Variants in ZNF429 observed in about 807,000 individuals in gnomAD.
The protein encoded by ZNF429 is zinc finger protein 429.
In ZNF429, 53 loss-of-function variants were observed where a neutral mutation model predicts 56.8. The ratio of observed to expected loss-of-function variants is 0.93; its 90% CI spans 0.75 to 1.17. The LOEUF (loss-of-function observed/expected upper bound fraction) is 1.17, where lower values mean the gene tolerates loss of function less well. ZNF429 is among the 50% of genes most tolerant of loss of function. The pLI, the probability that ZNF429 is intolerant of heterozygous loss-of-function variation, is 0.00. For missense variants in ZNF429, 849 were observed against 788.4 expected (o/e 1.08, Z -0.92); for synonymous variants, 278 against 264.7 (o/e 1.05, Z -0.49).
rs774747670 is a variant in ZNF429, at chr19:21,529,688, G to A, written c.34G>A (p.Glu12Lys). 2 of 1,596,704 alleles carry A rather than the reference G, an allele frequency of 1.3e-6. No homozygotes were observed. Among genetic ancestry groups the A allele is most frequent in the Non-Finnish European group, 8.5e-7 (1 of 1,170,574 alleles). The change falls in exon 2 of 4, where the codon GAA becomes AAA. Residue 12 changes from glutamate (E) to lysine (K), a missense_variant. Transcript: ENST00000358491. Reference protein sequence around the residue: ...GPLTFTDVAIEFSLEEWQCLD... With the variant: ...GPLTFTDVAIKFSLEEWQCLD... ...ATTGACATTTACAGATGTGGCCATA[G>A]AATTCTCTCTGGAGGAGTGGCAGTG...
intron 3 of ZNF429, among the ~76,000 whole-genome samples, chr19:21,531,783 G>T: frequency 6.7e-6 from 1 of 149,264 alleles, no homozygotes; most frequent in Non-Finnish European, 1.5e-5. Flanking sequence ...TCCAGCCTGG[G>T]TGATGGAGTG....
rs368352540 is a variant in ZNF429, at chr19:21,524,267, C to T, written c.4-5391C>T. Among the ~76,000 whole-genome samples, 6 of 152,336 alleles carry T rather than the reference C, an allele frequency of 3.9e-5. No individual in the cohort carries two copies. The East Asian group carries it at 9.7e-4, about 25-fold the overall frequency. On this transcript the variant is annotated intron_variant, in intron 1 of 3. Transcript: ENST00000358491. ...ATGCTGGGCCAGGCGTGGTGGCTCA[C>T]GCCTATAATCCCAGGACTTTGGGAG...
chr19:21,520,144 C>A (rs1467500287), intron 1 of ZNF429, among the ~76,000 whole-genome samples: 2 of 152,194 alleles, frequency 1.3e-5, no homozygotes, highest in Non-Finnish European at 2.9e-5. Flanking sequence ...CAGGCATGAG[C>A]CACTGTGCCC....
chr19:21,515,223 G>T (rs2032682435), intron 1 of ZNF429, among the ~76,000 whole-genome samples: 1 of 149,396 alleles, frequency 6.7e-6, no homozygotes, highest in African/African-American at 2.5e-5. Flanking sequence ...TTACAACTGT[G>T]AGCCACTGTG....
Position 21,535,380 on chromosome 19 carries a change from T to TCC in ZNF429, c.227-900_227-899insCC. ...TTTCTTCTTTCTTTCTTTCTTTCTT[T>TCC]TTTACTTTCTTTCTTTCTTTCTTTC... On this transcript the variant is annotated intron_variant, in intron 3 of 3. Transcript: ENST00000358491. Among the ~76,000 whole-genome samples the TCC allele has an allele frequency of 8.8e-4, 44 of 50,018 alleles. 1 individual carries two copies. Among genetic ancestry groups the TCC allele is most frequent in the African/African-American group, 1.9e-3 (18 of 9,566 alleles). 32.8% of individuals were successfully genotyped at this position (50,018 alleles called of 152,430 possible). A position where few individuals can be genotyped will look rare whatever the true frequency, so the allele number is the denominator to read the frequency against.
At chr19:21,521,568 A>G (rs1185979543) in intron 1 of ZNF429, 1 of 152,074 alleles carries the variant, frequency 6.6e-6, no homozygotes, top group East Asian at 1.9e-4. Context: ...GGCCTACTTG[A>G]TCAATCTTGT....
intron 3 of ZNF429, among the ~76,000 whole-genome samples, chr19:21,534,091 A>C: frequency 1.3e-5 from 2 of 152,018 alleles, no homozygotes; most frequent in Non-Finnish European, 2.9e-5. Flanking sequence ...ATTCTTTTTC[A>C]TGGGTGTTTG....
rs1397151570 is a variant in ZNF429 at position 21,539,704 on chromosome 19, T to C, written c.*1626T>C. Among the ~76,000 whole-genome samples, 1 of 152,064 alleles carries C rather than the reference T, an allele frequency of 6.6e-6. No individual in the cohort carries two copies. The highest frequency in any genetic ancestry group is 6.6e-5 in the Admixed American group (1 of 15,254). ...CCTTGGCCTCCCAGAGTGCTGGGAT[T>C]GCAGCCATGAGCCACTGCACCCAGC... On this transcript the variant is annotated 3_prime_UTR_variant, in exon 4 of 4. Transcript: ENST00000358491.
intron 1 of ZNF429, among the ~76,000 whole-genome samples, chr19:21,506,773 T>TG (rs1164928240): frequency 6.9e-6 from 1 of 145,572 alleles, no homozygotes; most frequent in African/African-American, 2.5e-5. Context: ...TTTTGTTTTT[T>TG]TTTTTTTTTT....
chr19:21,538,955 A>G lies in ZNF429; in HGVS notation c.*877A>G, dbSNP rs2033826453. Among the ~76,000 whole-genome samples, 1 of 152,174 alleles carries G rather than the reference A, an allele frequency of 6.6e-6. No homozygotes were observed. Among genetic ancestry groups the G allele is most frequent in the Non-Finnish European group, 1.5e-5 (1 of 68,030 alleles). The stretch of plus-strand genomic sequence containing the variant: ...TTGTATCACAGATCTTGTTGTACAC[A>G]TTTTATACTAGAGGAAAACCCTGAA... On this transcript the variant is annotated 3_prime_UTR_variant, in exon 4 of 4. Transcript: ENST00000358491.
At chr19:21,515,515 A>G (rs1323308524) in intron 1 of ZNF429, among the ~76,000 whole-genome samples, 1 of 149,942 alleles carries the variant, frequency 6.7e-6, no homozygotes. Flanking sequence ...GTTTGCAAAT[A>G]TTTTCTTCTA....
At chr19:21,535,412 T>TTTTCTTTCTTTC in intron 3 of ZNF429, among the ~76,000 whole-genome samples, 11 of 55,384 alleles carry the variant, frequency 2.0e-4, no homozygotes, top group East Asian at 1.8e-3. Context: ...TTTCTTTTTC[T>TTTTCTTTCTTTC]TTTCTTTCTT....
chr19:21,535,287 A>ATTTCTTTTCTTTCTTTCTTTCTTTC, intron 3 of ZNF429, among the ~76,000 whole-genome samples: 1 of 54,936 alleles, frequency 1.8e-5, no homozygotes, highest in Non-Finnish European at 3.5e-5. Flanking sequence ...GTATACCACC[A>ATTTCTTTTCTTTCTTTCTTTCTTTC]TTTCTTTCCT....
At chr19:21,526,215 G>A (rs920552083) in intron 1 of ZNF429, among the ~76,000 whole-genome samples, 2 of 151,922 alleles carry the variant, frequency 1.3e-5, no homozygotes, top group African/African-American at 4.8e-5. Context: ...TGGTGTACAG[G>A]TAGTATTTGG....
chr19:21,535,385 CT>C, intron 3 of ZNF429, among the ~76,000 whole-genome samples: 726 of 14,688 alleles, frequency 0.049, 51 homozygotes, highest in African/African-American at 0.12. Context: ...TTCTTTTTTA[CT>C]TTCTTTCTTT....
intron 1 of ZNF429, among the ~76,000 whole-genome samples, chr19:21,508,157 CAGA>C (rs1181712409): frequency 6.6e-6 from 1 of 151,156 alleles, no homozygotes; most frequent in African/African-American, 2.4e-5. Flanking sequence ...GAGGCTGAGG[CAGA>C]AGAACTCGGG....
At chr19:21,509,764 C>T (rs1035371817) in intron 1 of ZNF429, among the ~76,000 whole-genome samples, 1 of 151,968 alleles carries the variant, frequency 6.6e-6, no homozygotes. Context: ...AGTTTTTAGA[C>T]TTTGTAAAGT....
intron 1 of ZNF429, among the ~76,000 whole-genome samples, chr19:21,512,509 T>C (rs948940913): frequency 4.0e-5 from 6 of 151,270 alleles, no homozygotes; most frequent in Non-Finnish European, 8.9e-5. Flanking sequence ...AAAAAAAATA[T>C]AAAAATTAGC....
chr19:21,508,896 T>G (rs2032317134), intron 1 of ZNF429, among the ~76,000 whole-genome samples: 1 of 152,212 alleles, frequency 6.6e-6, no homozygotes, highest in South Asian at 2.1e-4. Context: ...GCAGGATAAA[T>G]TTCTGACAGT....
Sources: gnomAD v4.1 joint callset for allele counts (sites outside exome capture counted in the v4.1 genomes callset) on GRCh38, gnomAD v4.1.1 for gene constraint, MANE v1.5 for transcripts, NCBI Gene and HGNC (gene_info 2026-07-23, HGNC 2026-07-21) for gene names.